Variants in RIT2 observed in about 807,000 individuals in gnomAD.
RIT2 encodes the protein Ras like without CAAX 2.
Under a neutral mutation model 23.7 loss-of-function variants are expected in RIT2, and 24 were observed. That is an observed-to-expected ratio of 1.01 (90% CI 0.73 to 1.43). RIT2 has a LOEUF of 1.43. Ranked by LOEUF, RIT2 falls within the 40% of genes most tolerant of loss-of-function variation. RIT2 has a pLI of 0.00. For missense variants in RIT2, 236 were observed against 266.9 expected (o/e 0.88, Z 0.81); for synonymous variants, 107 against 91.1 (o/e 1.17, Z -0.99).
At position 43,115,669 on chromosome 18, in the gene RIT2, G is replaced by A; in HGVS notation, c.-150C>T. 1 of 1,124,440 alleles carries A rather than the reference G, an allele frequency of 8.9e-7. No individual in the cohort carries two copies. The highest frequency in any genetic ancestry group is 1.2e-6 in the Non-Finnish European group (1 of 835,982). 69.7% of individuals were successfully genotyped at this position (1,124,440 alleles called of 1,614,324 possible). A position where few individuals can be genotyped will look rare whatever the true frequency, so the allele number is the denominator to read the frequency against. ...GCGTCGGGCTGGCTGCTGGTCCTCC[G>A]CTCGAGCGGGTCTCATAGCAACCAC... On this transcript the variant is annotated 5_prime_UTR_variant, in exon 1 of 5. Transcript: ENST00000326695.
chr18:42,852,982 C>T (rs1003632838), intron 4 of RIT2, among the ~76,000 whole-genome samples: 4 of 151,938 alleles, frequency 2.6e-5, no homozygotes, highest in Non-Finnish European at 5.9e-5. Flanking sequence ...CACAGATGTC[C>T]ACCACCGTGC....
intron 1 of RIT2, among the ~76,000 whole-genome samples, chr18:43,064,640 C>A (rs1247485464): frequency 1.3e-5 from 2 of 151,924 alleles, no homozygotes; most frequent in Non-Finnish European, 2.9e-5. Flanking sequence ...ATACAGATAC[C>A]CTTAACAATG....
chr18:43,091,835 C>T lies in RIT2; in HGVS notation c.103+23582G>A, dbSNP rs534710003. Among the ~76,000 whole-genome samples, 21 of 152,116 alleles carry T rather than the reference C, an allele frequency of 1.4e-4. No homozygotes were observed. In the South Asian group the frequency reaches 4.3e-3, roughly 32 times the overall value. On this transcript the variant is annotated intron_variant, in intron 1 of 4. Coordinates refer to ENST00000326695, the MANE Select transcript of RIT2 (RefSeq NM_002930.4). ...GAAGATTTCATCTGTTTTATTTAAC[C>T]TTTCCTTCTTTAGCAATATTTAAAA...
intron 2 of RIT2, among the ~76,000 whole-genome samples, chr18:42,976,808 G>T (rs1910487207): frequency 6.6e-6 from 1 of 152,014 alleles, no homozygotes; most frequent in Non-Finnish European, 1.5e-5. Context: ...AAGACTAGAG[G>T]CACAGAAAGA....
chr18:43,093,657 CAA>C (rs1913477839), intron 1 of RIT2, among the ~76,000 whole-genome samples: 1 of 151,812 alleles, frequency 6.6e-6, no homozygotes. Context: ...TTGAAATTTC[CAA>C]AGAGTCAGTT....
chr18:42,775,600 G>A (rs1449972893), intron 4 of RIT2, among the ~76,000 whole-genome samples: 3 of 152,182 alleles, frequency 2.0e-5, no homozygotes, highest in Non-Finnish European at 4.4e-5. Context: ...GGGAGGCTGA[G>A]GCAGGAGAAT....
At chr18:43,084,375 C>T (rs1598776612) in intron 1 of RIT2, among the ~76,000 whole-genome samples, 1 of 152,108 alleles carries the variant, frequency 6.6e-6, no homozygotes, top group Non-Finnish European at 1.5e-5. Flanking sequence ...CCCAGCAATC[C>T]CATTACTGAG....
chr18:43,030,823 A>G (rs1911836912), intron 2 of RIT2, among the ~76,000 whole-genome samples: 1 of 152,102 alleles, frequency 6.6e-6, no homozygotes, highest in Non-Finnish European at 1.5e-5. Flanking sequence ...CTTTACCACG[A>G]GAAGGAATCC....
chr18:42,752,352 G>A (rs1442497366), intron 4 of RIT2, among the ~76,000 whole-genome samples: 2 of 151,946 alleles, frequency 1.3e-5, no homozygotes, highest in African/African-American at 2.4e-5. Flanking sequence ...ATTAAATATT[G>A]AATATTCATC....
chr18:43,051,226 A>T (rs554198686), intron 1 of RIT2, among the ~76,000 whole-genome samples: 1 of 152,134 alleles, frequency 6.6e-6, no homozygotes, highest in Non-Finnish European at 1.5e-5. Context: ...GTATTTGGCC[A>T]CAGAAGTCTT....
chr18:43,072,365 G>A (rs1299756557), intron 1 of RIT2, among the ~76,000 whole-genome samples: 3 of 152,000 alleles, frequency 2.0e-5, no homozygotes, highest in African/African-American at 4.8e-5. Flanking sequence ...GTCTTTTTGC[G>A]AATCAATTTG....
chr18:43,093,873 A>G (rs1244985670), intron 1 of RIT2, among the ~76,000 whole-genome samples: 3 of 152,014 alleles, frequency 2.0e-5, no homozygotes, highest in Non-Finnish European at 4.4e-5. Context: ...TTATATTAAA[A>G]TAGTTTATGC....
intron 1 of RIT2, among the ~76,000 whole-genome samples, chr18:43,084,052 A>G (rs116845866): frequency 0.05 from 7,614 of 152,208 alleles, 237 homozygotes; most frequent in South Asian, 0.12. Flanking sequence ...TGCCCAAACA[A>G]CCCCATCAAA....
At chr18:43,071,482 T>G (rs957362744) in intron 1 of RIT2, among the ~76,000 whole-genome samples, 14 of 152,154 alleles carry the variant, frequency 9.2e-5, no homozygotes, top group Non-Finnish European at 1.6e-4. Flanking sequence ...GATTGACAGT[T>G]GGCATTTTCT....
intron 2 of RIT2, among the ~76,000 whole-genome samples, chr18:43,005,052 T>C (rs1348336661): frequency 6.6e-6 from 1 of 151,762 alleles, no homozygotes; most frequent in Admixed American, 6.6e-5. Context: ...TCAATGCAGC[T>C]AAGAAAGAAA....
chr18:42,780,836 T>C (rs1410476161), intron 4 of RIT2, among the ~76,000 whole-genome samples: 2 of 151,604 alleles, frequency 1.3e-5, no homozygotes, highest in Non-Finnish European at 2.9e-5. Context: ...TTTTTTTTTT[T>C]ACCCATTGGC....
At chr18:42,925,913 TA>T (rs1310370508) in intron 3 of RIT2, among the ~76,000 whole-genome samples, 1 of 151,784 alleles carries the variant, frequency 6.6e-6, no homozygotes, top group African/African-American at 2.4e-5. Flanking sequence ...TATTCTTTTT[TA>T]TAGAGACATC....
intron 4 of RIT2, among the ~76,000 whole-genome samples, chr18:42,916,735 C>A (rs1335613117): frequency 6.6e-6 from 1 of 152,026 alleles, no homozygotes; most frequent in African/African-American, 2.4e-5. Context: ...TGCTAGATAA[C>A]CTACTGACAT....
intron 1 of RIT2, among the ~76,000 whole-genome samples, chr18:43,105,989 A>C (rs1298567314): frequency 6.6e-6 from 1 of 152,216 alleles, no homozygotes; most frequent in East Asian, 1.9e-4. Context: ...CAGCTCTGGC[A>C]GTGGTTGAGT....
Sources: allele counts gnomAD v4.1 joint callset (sites outside exome capture counted in the v4.1 genomes callset), GRCh38; gene constraint gnomAD v4.1.1; transcripts MANE v1.5; gene names NCBI Gene and HGNC (gene_info 2026-07-23, HGNC 2026-07-21).